The following DAAM1 variants were observed in gnomAD, a reference collection of about 807,000 sequenced individuals.
DAAM1 encodes disheveled-associated activator of morphogenesis 1.
Under a neutral mutation model 130.0 loss-of-function variants are expected in DAAM1, and 52 were observed. That is an observed-to-expected ratio of 0.40 (90% confidence interval 0.32 to 0.50). The LOEUF (loss-of-function observed/expected upper bound fraction) is 0.50. Ranked by LOEUF, DAAM1 falls within the 20% of genes least tolerant of loss-of-function variation. The probability of loss-of-function intolerance (pLI) is 0.61; values close to 1 mark genes in which losing one functional copy is unlikely to be tolerated. For missense variants in DAAM1, 1,134 were observed against 1,303.8 expected (o/e 0.87, Z 2.01); for synonymous variants, 452 against 444.5 (o/e 1.02, Z -0.21).
At chr14:59,207,381 C>T (rs755506724) in intron 1 of DAAM1, among the ~76,000 whole-genome samples, 68 of 152,084 alleles carry the variant, frequency 4.5e-4, no homozygotes, top group Non-Finnish European at 5.7e-4. Context: ...ATAGTCTAGT[C>T]CAACAGGTTC....
chr14:59,367,827 T>A (rs1177512129), intron 24 of DAAM1, among the ~76,000 whole-genome samples: 2 of 152,166 alleles, frequency 1.3e-5, no homozygotes, highest in East Asian at 3.9e-4. Context: ...TGGAATTCCA[T>A]TTCTTAGCAA....
intron 4 of DAAM1, among the ~76,000 whole-genome samples, chr14:59,317,194 A>G (rs1884826462): frequency 6.6e-6 from 1 of 152,210 alleles, no homozygotes; most frequent in Non-Finnish European, 1.5e-5. Flanking sequence ...TTTTTGTGTC[A>G]AACACCTAAG....
At position 59,289,767 on chromosome 14, in the gene DAAM1, GATAT is replaced by G; in HGVS notation, c.184-1436_184-1433del. On this transcript the variant is annotated intron_variant, in intron 2 of 24. Coordinates refer to ENST00000360909, the MANE Select transcript of DAAM1 (RefSeq NM_001270520.2). ...ACAGTGGACTGGATCAACAAAATGT[GATAT>G]ATATATATATATAATGGAATGCTAT... 1.3e-3 allele frequency among the ~76,000 whole-genome samples: 146 copies of G among 110,256 alleles called. 10 individuals are homozygous for G. The highest frequency in any genetic ancestry group is 4.9e-3 in the African/African-American group (134 of 27,566). 72.3% of individuals were successfully genotyped at this position (110,256 alleles called of 152,430 possible).
At chr14:59,281,168 G>C (rs1280268793) in intron 2 of DAAM1, among the ~76,000 whole-genome samples, 1 of 152,154 alleles carries the variant, frequency 6.6e-6, no homozygotes, top group Admixed American at 6.5e-5. Context: ...ACCCTCGGGG[G>C]GTTGCCTCAG....
intron 1 of DAAM1, among the ~76,000 whole-genome samples, chr14:59,210,598 G>A (rs1015252776): frequency 1.3e-4 from 20 of 152,024 alleles, no homozygotes; most frequent in Non-Finnish European, 1.9e-4. Flanking sequence ...CTTCAGTTTC[G>A]CATAATTAAT....
chr14:59,248,998 A>C (rs546381291), intron 1 of DAAM1, among the ~76,000 whole-genome samples: 124 of 152,312 alleles, frequency 8.1e-4, no homozygotes, highest in Admixed American at 2.2e-3. Flanking sequence ...CGTGTTAGCC[A>C]GGATGGTCTC....
intron 3 of DAAM1, among the ~76,000 whole-genome samples, chr14:59,312,264 AG>A (rs1214038289): frequency 5.3e-5 from 8 of 152,220 alleles, no homozygotes; most frequent in African/African-American, 1.9e-4. Context: ...ACTCTGGAAC[AG>A]TATCATTATT....
intron 1 of DAAM1, among the ~76,000 whole-genome samples, chr14:59,255,334 A>G (rs965975070): frequency 2.6e-5 from 4 of 152,150 alleles, no homozygotes; most frequent in Non-Finnish European, 5.9e-5. Context: ...CCTGCGGGGA[A>G]CACACAATTC....
intron 15 of DAAM1, among the ~76,000 whole-genome samples, chr14:59,338,960 G>A (rs558349150): frequency 6.6e-6 from 1 of 152,126 alleles, no homozygotes; most frequent in African/African-American, 2.4e-5. Context: ...TTTTTAAGCT[G>A]CAAAAATTTA....
intron 1 of DAAM1, among the ~76,000 whole-genome samples, chr14:59,233,915 C>T (rs755779202): frequency 4.6e-5 from 7 of 151,990 alleles, no homozygotes; most frequent in Non-Finnish European, 1.0e-4. Context: ...TGTTTTTGTC[C>T]AGTTTGTCGA....
At chr14:59,293,787 A>G (rs1883844181) in intron 3 of DAAM1, among the ~76,000 whole-genome samples, 1 of 152,244 alleles carries the variant, frequency 6.6e-6, no homozygotes, top group Admixed American at 6.5e-5. Flanking sequence ...ATTGGGAAAT[A>G]CACAATGAAT....
At chr14:59,334,616 C>T (rs1257291569) in intron 15 of DAAM1, among the ~76,000 whole-genome samples, 1 of 152,104 alleles carries the variant, frequency 6.6e-6, no homozygotes, top group Non-Finnish European at 1.5e-5. Context: ...TTGGAAAAAT[C>T]TCAGTAGTGT....
chr14:59,192,765 A>C (rs1049572393), intron 1 of DAAM1, among the ~76,000 whole-genome samples: 1 of 152,196 alleles, frequency 6.6e-6, no homozygotes, highest in Admixed American at 6.5e-5. Context: ...CAAGACCTCA[A>C]AGTTTAGGCC....
intron 1 of DAAM1, among the ~76,000 whole-genome samples, chr14:59,215,737 G>T (rs1017791104): frequency 1.6e-4 from 24 of 152,186 alleles, no homozygotes; most frequent in African/African-American, 5.8e-4. Flanking sequence ...GTAGGCTAGG[G>T]TGGGGGTTGA....
intron 1 of DAAM1, among the ~76,000 whole-genome samples, chr14:59,203,012 G>A (rs956065591): frequency 2.0e-5 from 3 of 148,746 alleles, no homozygotes; most frequent in Non-Finnish European, 4.5e-5. Context: ...TTTTTTTTGA[G>A]ATGGAACCTC....
At chr14:59,193,827 G>A (rs1887805780) in intron 1 of DAAM1, among the ~76,000 whole-genome samples, 1 of 152,168 alleles carries the variant, frequency 6.6e-6, no homozygotes, top group African/African-American at 2.4e-5. Context: ...AGGTGCCACA[G>A]CTTCCACGAA....
chr14:59,320,545 TAG>T lies in DAAM1; in HGVS notation c.406_407del (p.Ser136PhefsTer67). Reference sequence around the variant, plus strand: ...GAAGAAGAAGAAAGAAGTAAAACTATAGAGAGTTTAAAGACAGCACTGAGGAC... The same window carrying T: ...GAAGAAGAAGAAAGAAGTAAAACTATAGAGTTTAAAGACAGCACTGAGGAC... On this transcript the variant is annotated frameshift_variant, in exon 5 of 25. Transcript: ENST00000360909. LOFTEE classifies it high-confidence loss of function. The T allele has an allele frequency of 1.2e-6, 2 of 1,605,436 alleles. No individual in the cohort carries two copies. Among genetic ancestry groups the T allele is most frequent in the South Asian group, 1.1e-5 (1 of 89,006 alleles).
chr14:59,244,380 C>T (rs566818703), intron 1 of DAAM1, among the ~76,000 whole-genome samples: 2 of 152,186 alleles, frequency 1.3e-5, no homozygotes, highest in African/African-American at 2.4e-5. Flanking sequence ...AGACCACCCC[C>T]TCTACAACAT....
Position 59,326,925 on chromosome 14 carries a change from T to C in DAAM1, c.1314-8T>C. The C allele has an allele frequency of 6.2e-7, 1 of 1,613,904 alleles. No homozygotes were observed. The highest frequency in any genetic ancestry group is 8.5e-7 in the Non-Finnish European group (1 of 1,179,938). On this transcript the variant is annotated splice_region_variant and splice_polypyrimidine_tract_variant and intron_variant, in intron 11 of 24. Transcript: ENST00000360909. ...TTTGTAATAAATGCTCCTTGAACTC[T>C]TACACAGGTTGGTTAATGAAAATGA...
Sources: allele counts gnomAD v4.1 joint callset (sites outside exome capture counted in the v4.1 genomes callset), GRCh38; gene constraint gnomAD v4.1.1; transcripts MANE v1.5; gene names NCBI Gene and HGNC (gene_info 2026-07-23, HGNC 2026-07-21).